C19orf38: variants seen among roughly 807,000 people sequenced by gnomAD.
C19orf38 encodes protein HIDE1.
In C19orf38, 14 loss-of-function variants were observed where a neutral mutation model predicts 26.6. The observed-to-expected ratio is 0.53, with a 90% CI of 0.35 to 0.82. The LOEUF (loss-of-function observed/expected upper bound fraction) is 0.82. Among genes scored for constraint, C19orf38 ranks in the 40% least tolerant of loss-of-function variants. The pLI, the probability that C19orf38 is intolerant of heterozygous loss-of-function variation, is 0.01. For synonymous variants in C19orf38, 132 were observed against 128.5 expected (o/e 1.03, Z -0.18); for missense variants, 261 against 299.5 (o/e 0.87, Z 0.95).
chr19:10,856,451 T>C (rs930439376), intron 3 of C19orf38, 94 bp downstream of exon 3: 18 of 952,996 alleles, frequency 1.9e-5, no homozygotes, highest in Admixed American at 6.9e-5. Context: ...CCATTTTGTT[T>C]TCAGGTTCAG....
Position 10,863,178 on chromosome 19 carries a change from T to C in C19orf38, c.514T>C (p.Phe172Leu). ...QINFDSTDMS[F>L]DNSLFTVSAK... is the part of the protein sequence containing the mutation. ...TTCTCTTTCTGTTTCAGACATGTCC[T>C]TCGATAACTCCCTGTTTACCGTCTC... is the stretch of plus-strand genomic sequence containing the variant. The change falls in exon 6 of 7, where the codon TTC becomes CTC. Residue 172 changes from phenylalanine to leucine, a missense_variant. Physicochemically the swap from Phe to Leu is conservative, Grantham distance 22 (BLOSUM62 0). Coordinates refer to ENST00000397820, the MANE Select transcript of C19orf38 (RefSeq NM_001136482.3). The C allele has an allele frequency of 6.4e-7, 1 of 1,551,524 alleles. No individual in the cohort carries two copies.
intron 2 of C19orf38, among the ~76,000 whole-genome samples, chr19:10,853,767 AT>A (rs879881280): frequency 2.2e-3 from 297 of 136,606 alleles, no homozygotes; most frequent in Non-Finnish European, 2.9e-3. Context: ...AATTTTTTGT[AT>A]TTTTTTTTTT....
chr19:10,844,236 C>G (rs1568332015), upstream of C19orf38, among the ~76,000 whole-genome samples: 1 of 150,104 alleles, frequency 6.7e-6, no homozygotes, highest in Non-Finnish European at 1.5e-5. Flanking sequence ...GAAACCCTGT[C>G]TCTACTAAAA....
At chr19:10,856,631 G>T (rs543271923) in intron 3 of C19orf38, among the ~76,000 whole-genome samples, 84 of 151,984 alleles carry the variant, frequency 5.5e-4, no homozygotes, top group Non-Finnish European at 1.2e-3. Flanking sequence ...AGCCTCTCAA[G>T]TAGCTGGGAT....
intron 1 of C19orf38, among the ~76,000 whole-genome samples, chr19:10,839,759 C>G (rs1481180108): frequency 1.4e-5 from 2 of 144,266 alleles, no homozygotes; most frequent in African/African-American, 5.2e-5. Context: ...GAGACAGTCT[C>G]GCTGTGTTAC....
chr19:10,854,846 G>C (rs1038900673), intron 2 of C19orf38, among the ~76,000 whole-genome samples: 3 of 151,980 alleles, frequency 2.0e-5, no homozygotes, highest in Non-Finnish European at 4.4e-5. Context: ...CTACCAGCAA[G>C]AGGGGATTTG....
intron 2 of C19orf38, among the ~76,000 whole-genome samples, chr19:10,852,740 G>A (rs888386928): frequency 6.6e-6 from 1 of 152,120 alleles, no homozygotes; most frequent in African/African-American, 2.4e-5. Flanking sequence ...GAGTTCACCA[G>A]GAGGATCGTG....
chr19:10,840,306 T>C (rs932021391), intron 1 of C19orf38, among the ~76,000 whole-genome samples: 5 of 152,242 alleles, frequency 3.3e-5, no homozygotes, highest in Admixed American at 1.3e-4. Flanking sequence ...CCAACACTTG[T>C]TACTTTGCAT....
chr19:10,862,826 C>A (rs2073714466), intron 5 of C19orf38, among the ~76,000 whole-genome samples: 1 of 151,660 alleles, frequency 6.6e-6, no homozygotes, highest in Non-Finnish European at 1.5e-5. Flanking sequence ...GAGACTCCTT[C>A]TCAAAAACAA....
chr19:10,869,657 G>A lies in C19orf38; in HGVS notation c.*290G>A, dbSNP rs1241068994. 7.2e-6 allele frequency: 3 copies of A among 414,014 alleles called. No individual in the cohort carries two copies. Among genetic ancestry groups the A allele is most frequent in the African/African-American group, 4.1e-5 (2 of 48,564 alleles). 25.6% of individuals were successfully genotyped at this position (414,014 alleles called of 1,614,324 possible). Reference sequence around the variant, plus strand: ...TTGTCCCCCAGCTGGGCCATAAGACGTCCCAGGTCTCTGCACACCCGTGGA... The same window carrying A: ...TTGTCCCCCAGCTGGGCCATAAGACATCCCAGGTCTCTGCACACCCGTGGA... On this transcript the variant is annotated 3_prime_UTR_variant, in exon 7 of 7. Coordinates refer to ENST00000397820, the MANE Select transcript of C19orf38 (RefSeq NM_001136482.3).
intron 4 of C19orf38, among the ~76,000 whole-genome samples, chr19:10,859,382 ATATT>A (rs1166741656): frequency 0.036 from 936 of 25,758 alleles, 5 homozygotes; most frequent in African/African-American, 0.12. Context: ...ATATATATAT[ATATT>A]TTTTTTTTTT....
chr19:10,857,362 A>AT lies in C19orf38; in HGVS notation c.434-953dup, dbSNP rs1304594112. On this transcript the variant is annotated intron_variant, in intron 3 of 6. Transcript: ENST00000397820. ...TACATATATATATATATATATATAT[A>AT]TATATTTTTTTTTTTTTTTTTTTAA... is the stretch of plus-strand genomic sequence containing the variant. 2.3e-3 allele frequency among the ~76,000 whole-genome samples: 187 copies of AT among 81,582 alleles called. 3 individuals are homozygous for AT. The highest frequency in any genetic ancestry group is 0.018 in the East Asian group (40 of 2,194). The allele number at this position is 81,582 out of a possible 152,430, so 53.5% of individuals were successfully genotyped here.
rs1198191575 is a variant in C19orf38 at position 10,848,427 on chromosome 19, A to G, written c.-82A>G. The G allele has an allele frequency of 6.9e-7, 1 of 1,438,876 alleles. No individual in the cohort carries two copies. The highest frequency in any genetic ancestry group is 9.6e-7 in the Non-Finnish European group (1 of 1,045,814). The allele number at this position is 1,438,876 out of a possible 1,614,324, so 89.1% of individuals were successfully genotyped here. The stretch of plus-strand genomic sequence containing the variant: ...ATCAGCCCTGGTTCTCCTTTCCCCG[A>G]TCTGGCCTCACAGGAGGAGTTGGCG... On this transcript the variant is annotated 5_prime_UTR_variant, in exon 1 of 7. Coordinates refer to ENST00000397820, the MANE Select transcript of C19orf38 (RefSeq NM_001136482.3).
rs1434353680 is a variant in C19orf38, at chr19:10,859,372, ATATATATATATAT to A, written c.462-541_462-529del. Among the ~76,000 whole-genome samples the A allele has an allele frequency of 9.8e-3, 537 of 54,896 alleles. 12 individuals carry two copies. The highest frequency in any genetic ancestry group is 0.045 in the Middle Eastern group (4 of 88). 36.0% of individuals were successfully genotyped at this position (54,896 alleles called of 152,430 possible). Reference sequence around the variant, plus strand: ...TGTATATATATATATATATATATATATATATATATATATTTTTTTTTTTTTTTTTAGACGGAGT... The same window carrying A: ...TGTATATATATATATATATATATATATTTTTTTTTTTTTTTTAGACGGAGT... On this transcript the variant is annotated intron_variant, in intron 4 of 6. Coordinates refer to ENST00000397820, the MANE Select transcript of C19orf38 (RefSeq NM_001136482.3).
upstream of C19orf38, among the ~76,000 whole-genome samples, chr19:10,844,925 A>G (rs1426707864): frequency 6.7e-6 from 1 of 150,334 alleles, no homozygotes; most frequent in African/African-American, 2.4e-5. Flanking sequence ...TGGGAGCCCA[A>G]GGTGGGAGGA....
At position 10,859,348 on chromosome 19, in the gene C19orf38, GTATATATATATATATATATATA is replaced by G. The variant is rs1164393634; in HGVS notation, c.462-551_462-530del. ...TGTATGTATGTGTGTGTGTGTGTGT[GTATATATATATATATATATATA>G]TATATATATATATATTTTTTTTTTT... On this transcript the variant is annotated intron_variant, in intron 4 of 6. Transcript: ENST00000397820. 1.6e-4 allele frequency among the ~76,000 whole-genome samples: 9 copies of G among 55,948 alleles called. No homozygotes were observed. In the East Asian group the frequency reaches 2.8e-3, roughly 17 times the overall value. The allele number at this position is 55,948 out of a possible 152,430, so 36.7% of individuals were successfully genotyped here.
upstream of C19orf38, among the ~76,000 whole-genome samples, chr19:10,847,047 T>C (rs747710324): frequency 6.6e-6 from 1 of 152,214 alleles, no homozygotes; most frequent in African/African-American, 2.4e-5. Context: ...TTTTGGTGTT[T>C]GATGACCACA....
At chr19:10,867,149 C>T (rs2073759712) in intron 6 of C19orf38, among the ~76,000 whole-genome samples, 1 of 151,824 alleles carries the variant, frequency 6.6e-6, no homozygotes, top group Non-Finnish European at 1.5e-5. Context: ...CGTTGTCCCT[C>T]CCCCAGCCCC....
At chr19:10,842,872 G>T (rs1048087796) in intron 1 of C19orf38, among the ~76,000 whole-genome samples, 1 of 152,230 alleles carries the variant, frequency 6.6e-6, no homozygotes, top group Non-Finnish European at 1.5e-5. Flanking sequence ...GACACTGGAG[G>T]CACCCTGCCC....
Sources: allele counts gnomAD v4.1 joint callset (sites outside exome capture counted in the v4.1 genomes callset), GRCh38; gene constraint gnomAD v4.1.1; transcripts MANE v1.5; gene names NCBI Gene and HGNC (gene_info 2026-07-23, HGNC 2026-07-21).